The following UBE2G1 variants were observed in gnomAD, a reference collection of about 807,000 sequenced individuals.
UBE2G1 encodes ubiquitin-conjugating enzyme E2 G1.
Under a neutral mutation model 22.7 loss-of-function variants are expected in UBE2G1, and 5 were observed. That is an observed-to-expected ratio of 0.22 (90% CI 0.12 to 0.46). The LOEUF (loss-of-function observed/expected upper bound fraction) is 0.46, where lower values mean the gene tolerates loss of function less well. Among genes scored for constraint, UBE2G1 ranks in the 20% least tolerant of loss-of-function variants. The pLI is 0.99. For missense variants in UBE2G1, 88 were observed against 203.9 expected (o/e 0.43, Z 3.46); for synonymous variants, 74 against 67.5 (o/e 1.10, Z -0.47).
chr17:4,306,260 T>C (rs1238968446), intron 2 of UBE2G1, among the ~76,000 whole-genome samples: 1 of 152,000 alleles, frequency 6.6e-6, no homozygotes, highest in Admixed American at 6.6e-5. Context: ...TGTCCAAAAA[T>C]TATATAACTC....
chr17:4,310,467 A>T (rs1969297072), intron 1 of UBE2G1, among the ~76,000 whole-genome samples: 1 of 152,134 alleles, frequency 6.6e-6, no homozygotes, highest in Non-Finnish European at 1.5e-5. Context: ...TAGAATCTGA[A>T]CCCTACTTTA....
intron 1 of UBE2G1, among the ~76,000 whole-genome samples, chr17:4,315,639 C>T (rs1969358673): frequency 6.6e-6 from 1 of 150,552 alleles, no homozygotes; most frequent in Non-Finnish European, 1.5e-5. Flanking sequence ...ACTCGGGAGG[C>T]TGAGGCAGGA....
At chr17:4,329,209 G>A (rs1434657264) in intron 1 of UBE2G1, among the ~76,000 whole-genome samples, 1 of 151,282 alleles carries the variant, frequency 6.6e-6, no homozygotes, top group African/African-American at 2.4e-5. Context: ...GACCAGCCTG[G>A]GCAACATGGT....
At chr17:4,313,598 C>T (rs1025391530) in intron 1 of UBE2G1, among the ~76,000 whole-genome samples, 1 of 152,084 alleles carries the variant, frequency 6.6e-6, no homozygotes, top group Non-Finnish European at 1.5e-5. Flanking sequence ...AACTAACCAA[C>T]AGTATTACAA....
rs1970037231 is a variant in UBE2G1 at position 4,366,461 on chromosome 17, G to A, written c.-145C>T. ...CGAGGAAGGCCGGGCTGAGGCGGCGGGAGCGGCGCCTCGCTGCCGGTGCGA... is the reference window on the plus strand; with the variant it reads ...CGAGGAAGGCCGGGCTGAGGCGGCGAGAGCGGCGCCTCGCTGCCGGTGCGA... On this transcript the variant is annotated 5_prime_UTR_variant, in exon 1 of 6. Coordinates refer to ENST00000396981, the MANE Select transcript of UBE2G1 (RefSeq NM_003342.5). The A allele has an allele frequency of 1.3e-6, 1 of 751,418 alleles. No individual in the cohort carries two copies. 46.5% of individuals were successfully genotyped at this position (751,418 alleles called of 1,614,324 possible).
intron 1 of UBE2G1, among the ~76,000 whole-genome samples, chr17:4,322,525 A>G (rs1969452862): frequency 6.6e-6 from 1 of 152,234 alleles, no homozygotes; most frequent in Non-Finnish European, 1.5e-5. Flanking sequence ...ATGATCAGAA[A>G]TGTTGTGCAT....
intron 1 of UBE2G1, among the ~76,000 whole-genome samples, chr17:4,365,452 G>A (rs1050594645): frequency 1.4e-4 from 21 of 152,224 alleles, no homozygotes; most frequent in Non-Finnish European, 2.6e-4. Flanking sequence ...ATGGGGGAGG[G>A]GGGCCGCAGG....
chr17:4,308,456 C>T (rs1969271913), intron 1 of UBE2G1, among the ~76,000 whole-genome samples: 1 of 152,070 alleles, frequency 6.6e-6, no homozygotes, highest in Non-Finnish European at 1.5e-5. Context: ...ACCCGGGAGG[C>T]AAATGTTGCA....
At chr17:4,337,584 T>C (rs1598199144) in intron 1 of UBE2G1, among the ~76,000 whole-genome samples, 1 of 137,650 alleles carries the variant, frequency 7.3e-6, no homozygotes, top group Admixed American at 7.4e-5. Context: ...ACCCGGGAGG[T>C]GGAGGTTGCA....
At chr17:4,295,198 A>T (rs1969095301) in intron 3 of UBE2G1, among the ~76,000 whole-genome samples, 1 of 152,240 alleles carries the variant, frequency 6.6e-6, no homozygotes, top group South Asian at 2.1e-4. Context: ...AAGAGATAAA[A>T]GAAAAGCCAA....
intron 1 of UBE2G1, among the ~76,000 whole-genome samples, chr17:4,344,182 T>C (rs1332996092): frequency 1.3e-5 from 2 of 152,142 alleles, no homozygotes; most frequent in Admixed American, 6.5e-5. Flanking sequence ...AATCAAGAGT[T>C]AAGTACTTAG....
At position 4,269,594 on chromosome 17, in the gene UBE2G1, C is replaced by T. The variant is rs533998180; in HGVS notation, c.*2960G>A. On this transcript the variant is annotated 3_prime_UTR_variant, in exon 6 of 6. Coordinates refer to ENST00000396981, the MANE Select transcript of UBE2G1 (RefSeq NM_003342.5). ...AGGCCGTTAAAGATACTGACACCCA[C>T]GTGATCACAGTACTAGTGGAATAAC... is the stretch of plus-strand genomic sequence containing the variant. 7 of 186,188 alleles carry T rather than the reference C, an allele frequency of 3.8e-5. No homozygotes were observed. Among genetic ancestry groups the T allele is most frequent in the South Asian group, 1.4e-4 (1 of 7,002 alleles). 11.5% of individuals were successfully genotyped at this position (186,188 alleles called of 1,614,324 possible). A position where few individuals can be genotyped will look rare whatever the true frequency, so the allele number is the denominator to read the frequency against.
At chr17:4,336,644 A>C (rs750753371) in intron 1 of UBE2G1, among the ~76,000 whole-genome samples, 19 of 152,126 alleles carry the variant, frequency 1.2e-4, no homozygotes, top group Non-Finnish European at 2.2e-4. Flanking sequence ...CTCCTGCCTC[A>C]GCCTCCAAAG....
chr17:4,296,579 C>G (rs1289417597), intron 3 of UBE2G1, 138 bp downstream of exon 3: 2 of 864,512 alleles, frequency 2.3e-6, no homozygotes, highest in Admixed American at 3.6e-5. Context: ...GGTTTTAGTA[C>G]ACAGCCATGT....
At chr17:4,312,531 C>A (rs978936462) in intron 1 of UBE2G1, among the ~76,000 whole-genome samples, 20 of 151,718 alleles carry the variant, frequency 1.3e-4, no homozygotes, top group Non-Finnish European at 2.6e-4. Context: ...CCCGTCTCTA[C>A]TAAAAATGCA....
At position 4,328,970 on chromosome 17, in the gene UBE2G1, G is replaced by T. The variant is rs550516583; in HGVS notation, c.47-21847C>A. The stretch of plus-strand genomic sequence containing the variant: ...GGATACAAAAAATTAGCCAGGCGTG[G>T]TGGCGGACGCCTGTAGTCCCAGCTA... On this transcript the variant is annotated intron_variant, in intron 1 of 5. Coordinates refer to ENST00000396981, the MANE Select transcript of UBE2G1 (RefSeq NM_003342.5). 2.6e-5 allele frequency among the ~76,000 whole-genome samples: 4 copies of T among 152,164 alleles called. No homozygotes were observed. The East Asian group carries it at 7.7e-4, about 29-fold the overall frequency.
chr17:4,332,254 G>C (rs2143779836), intron 1 of UBE2G1, among the ~76,000 whole-genome samples: 1 of 151,948 alleles, frequency 6.6e-6, no homozygotes, highest in East Asian at 1.9e-4. Context: ...TATTCTATTT[G>C]GCAGTGTTTT....
At chr17:4,313,688 T>C (rs535027664) in intron 1 of UBE2G1, among the ~76,000 whole-genome samples, 10 of 152,294 alleles carry the variant, frequency 6.6e-5, no homozygotes, top group Admixed American at 4.6e-4. Flanking sequence ...GGAAGAGGCA[T>C]GGAACGGACT....
chr17:4,284,956 C>CCA (rs1968945366), intron 4 of UBE2G1, among the ~76,000 whole-genome samples: 1 of 151,398 alleles, frequency 6.6e-6, no homozygotes, highest in African/African-American at 2.4e-5. Flanking sequence ...AATCAATCCC[C>CCA]CACCTCAGCC....
Sources: allele counts gnomAD v4.1 joint callset (sites outside exome capture counted in the v4.1 genomes callset), GRCh38; gene constraint gnomAD v4.1.1; transcripts MANE v1.5; gene names NCBI Gene and HGNC (gene_info 2026-07-23, HGNC 2026-07-21).